Variants in C12orf75 observed in about 807,000 individuals in gnomAD.
C12orf75 encodes overexpressed in colon carcinoma 1 protein.
Under a neutral mutation model 11.4 loss-of-function variants are expected in C12orf75, and 4 were observed. The observed-to-expected ratio is 0.35, with a 90% confidence interval of 0.17 to 0.80. The LOEUF is 0.80. C12orf75 is among the 30% of genes least tolerant of loss of function. The pLI is 0.52. For missense variants in C12orf75, 89 were observed against 80.4 expected (o/e 1.11, Z -0.41); for synonymous variants, 30 against 30.0 (o/e 1.00, Z 0.00).
intron 5 of C12orf75, among the ~76,000 whole-genome samples, chr12:105,368,592 C>T (rs757080014): frequency 2.0e-5 from 3 of 152,156 alleles, no homozygotes; most frequent in East Asian, 1.9e-4. Flanking sequence ...AGAATCTAAC[C>T]GTTGGCAGAC....
At chr12:105,368,341 C>T (rs1428325195) in intron 5 of C12orf75, among the ~76,000 whole-genome samples, 1 of 152,166 alleles carries the variant, frequency 6.6e-6, no homozygotes, top group Non-Finnish European at 1.5e-5. Context: ...TGATTAGGAA[C>T]GTCCTATCTC....
intron 3 of C12orf75, 101 bp downstream of exon 3, chr12:105,365,943 G>A: frequency 2.5e-6 from 2 of 813,338 alleles, no homozygotes; most frequent in East Asian, 5.3e-5. Flanking sequence ...GATTCTGCCA[G>A]GAAAACTGTT....
At chr12:105,333,375 C>T (rs552459147) in intron 1 of C12orf75, among the ~76,000 whole-genome samples, 2 of 152,234 alleles carry the variant, frequency 1.3e-5, no homozygotes, top group African/African-American at 2.4e-5. Flanking sequence ...GTCAATTGCA[C>T]TGTTGACCAA....
At chr12:105,346,890 A>G (rs1337562311) in intron 1 of C12orf75, among the ~76,000 whole-genome samples, 2 of 152,234 alleles carry the variant, frequency 1.3e-5, no homozygotes, top group African/African-American at 4.8e-5. Flanking sequence ...TATTTAATAT[A>G]TATCGAAATT....
chr12:105,363,508 C>T (rs1370876610), intron 2 of C12orf75, among the ~76,000 whole-genome samples: 6 of 152,068 alleles, frequency 3.9e-5, no homozygotes, highest in South Asian at 2.1e-4. Context: ...GGGAGGATCA[C>T]GAGGTCAGGA....
intron 1 of C12orf75, among the ~76,000 whole-genome samples, chr12:105,336,672 C>G (rs535442426): frequency 1.3e-4 from 19 of 151,968 alleles, no homozygotes; most frequent in Non-Finnish European, 2.1e-4. Flanking sequence ...GTCACAGATA[C>G]GTGGAAGACA....
chr12:105,342,273 G>A (rs1251636850), intron 1 of C12orf75, among the ~76,000 whole-genome samples: 1 of 152,080 alleles, frequency 6.6e-6, no homozygotes, highest in African/African-American at 2.4e-5. Context: ...TAAATAAACT[G>A]GGGGACGAAT....
chr12:105,332,500 G>C (rs1003736279), intron 1 of C12orf75, among the ~76,000 whole-genome samples: 40 of 152,108 alleles, frequency 2.6e-4, no homozygotes, highest in Non-Finnish European at 1.5e-5. Context: ...GGGAGGCTGG[G>C]GTGGGTGGAT....
rs572387801 is a variant in C12orf75, at chr12:105,339,024, AT to A, written c.46+8094del. Among the ~76,000 whole-genome samples the A allele has an allele frequency of 2.7e-3, 418 of 152,214 alleles. 3 individuals carry two copies. Among genetic ancestry groups the A allele is most frequent in the Non-Finnish European group, 4.5e-3 (306 of 68,012 alleles). On this transcript the variant is annotated intron_variant, in intron 1 of 5. Transcript: ENST00000443585. ...ATATTTCTAGGACACATTGACCTGA[AT>A]TTTTTTCCTCCATTATTTGAAGAAA...
Position 105,370,767 on chromosome 12 carries a change from G to A in C12orf75, c.*167G>A. 1 of 456,228 alleles carries A rather than the reference G, an allele frequency of 2.2e-6. No homozygotes were observed. The highest frequency in any genetic ancestry group is 4.4e-6 in the Non-Finnish European group (1 of 225,942). The allele number at this position is 456,228 out of a possible 1,614,324, so 28.3% of individuals were successfully genotyped here. ...TCTTAAGTGTATACATAAAACCCTGGGTACATATTGTTGTGGTAATAGAAG... is the reference window on the plus strand; with the variant it reads ...TCTTAAGTGTATACATAAAACCCTGAGTACATATTGTTGTGGTAATAGAAG... On this transcript the variant is annotated 3_prime_UTR_variant, in exon 6 of 6. Coordinates refer to ENST00000443585, the MANE Select transcript of C12orf75 (RefSeq NM_001145199.2).
At chr12:105,350,006 GAT>G (rs1892690099) in intron 2 of C12orf75, among the ~76,000 whole-genome samples, 1 of 152,202 alleles carries the variant, frequency 6.6e-6, no homozygotes, top group Non-Finnish European at 1.5e-5. Flanking sequence ...TAGGACTTTA[GAT>G]ACAAAGGAAG....
At chr12:105,358,486 T>G (rs574471269) in intron 2 of C12orf75, among the ~76,000 whole-genome samples, 2 of 152,206 alleles carry the variant, frequency 1.3e-5, no homozygotes, top group African/African-American at 4.8e-5. Context: ...GTGCCACTGC[T>G]CTCCAGCCTA....
chr12:105,365,927 AAC>A, intron 3 of C12orf75, 85 bp downstream of exon 3: 1 of 865,554 alleles, frequency 1.2e-6, no homozygotes, highest in South Asian at 1.4e-5. Flanking sequence ...TATTCCCAAT[AAC>A]ACAGATTCTG....
chr12:105,332,137 C>A (rs749938187), intron 1 of C12orf75, among the ~76,000 whole-genome samples: 3 of 152,152 alleles, frequency 2.0e-5, no homozygotes, highest in Non-Finnish European at 4.4e-5. Flanking sequence ...TGAGGGCAGA[C>A]GGGCTTCAAA....
intron 1 of C12orf75, among the ~76,000 whole-genome samples, chr12:105,340,491 T>C (rs570574598): frequency 6.6e-6 from 1 of 152,062 alleles, no homozygotes; most frequent in African/African-American, 2.4e-5. Flanking sequence ...TGTGTTATCA[T>C]TCACGAGGAA....
intron 5 of C12orf75, among the ~76,000 whole-genome samples, chr12:105,370,322 C>T (rs1026229110): frequency 5.9e-5 from 9 of 152,074 alleles, no homozygotes; most frequent in African/African-American, 1.9e-4. Context: ...GAATTGTGAC[C>T]GAACAGTCTC....
chr12:105,366,928 T>A (rs1032614125), intron 4 of C12orf75, among the ~76,000 whole-genome samples: 5 of 152,218 alleles, frequency 3.3e-5, no homozygotes, highest in African/African-American at 4.8e-5. Flanking sequence ...TCCATATTTT[T>A]AATTTCTTGT....
chr12:105,342,008 G>A (rs1348365312), intron 1 of C12orf75, among the ~76,000 whole-genome samples: 2 of 152,244 alleles, frequency 1.3e-5, no homozygotes, highest in Non-Finnish European at 2.9e-5. Flanking sequence ...CTGCAGCCAT[G>A]TGGAACTGTG....
chr12:105,350,856 T>A (rs1397702490), intron 2 of C12orf75, among the ~76,000 whole-genome samples: 2 of 152,224 alleles, frequency 1.3e-5, no homozygotes, highest in Non-Finnish European at 2.9e-5. Flanking sequence ...AATTTAGTGA[T>A]GATTTTGTCA....
Sources: gnomAD v4.1 joint callset for allele counts (sites outside exome capture counted in the v4.1 genomes callset) on GRCh38, gnomAD v4.1.1 for gene constraint, MANE v1.5 for transcripts, NCBI Gene and HGNC (gene_info 2026-07-23, HGNC 2026-07-21) for gene names.